The following TACR1 variants were observed in gnomAD, a reference collection of about 807,000 sequenced individuals.
TACR1 encodes tachykinin receptor 1, also known as substance-P receptor.
A neutral mutation model predicts 35.8 loss-of-function variants in TACR1; 25 were observed. The ratio of observed to expected loss-of-function variants is 0.70; its 90% CI spans 0.51 to 0.98. TACR1 has a LOEUF of 0.98. TACR1 is among the 50% of genes least tolerant of loss of function. TACR1 has a pLI of 0.00. For synonymous variants in TACR1, 195 were observed against 206.7 expected (o/e 0.94, Z 0.48); for missense variants, 478 against 522.9 (o/e 0.91, Z 0.84).
chr2:75,118,157 G>T (rs1673900065), intron 2 of TACR1, among the ~76,000 whole-genome samples: 1 of 152,192 alleles, frequency 6.6e-6, no homozygotes. Context: ...TCTTCTAAAA[G>T]AAGAGAATAT....
intron 1 of TACR1, among the ~76,000 whole-genome samples, chr2:75,158,174 T>C (rs1255019565): frequency 1.3e-5 from 2 of 152,232 alleles, no homozygotes; most frequent in Admixed American, 6.5e-5. Flanking sequence ...TGGATCTGAT[T>C]CACTTCGGGT....
intron 2 of TACR1, among the ~76,000 whole-genome samples, chr2:75,093,281 A>G (rs764216225): frequency 1.3e-5 from 2 of 152,224 alleles, no homozygotes; most frequent in Admixed American, 6.5e-5. Flanking sequence ...TAAATTTTCC[A>G]TCTTTGCATA....
chr2:75,185,853 G>A (rs1291063239), intron 1 of TACR1, among the ~76,000 whole-genome samples: 1 of 152,086 alleles, frequency 6.6e-6, no homozygotes, highest in Non-Finnish European at 1.5e-5. Context: ...ATCCATGTGC[G>A]CTAGTTTTGC....
chr2:75,135,548 C>T (rs1674264792), intron 1 of TACR1, among the ~76,000 whole-genome samples: 1 of 152,176 alleles, frequency 6.6e-6, no homozygotes, highest in African/African-American at 2.4e-5. Flanking sequence ...GGATCCAGGG[C>T]CAGGCGCCCA....
intron 2 of TACR1, among the ~76,000 whole-genome samples, chr2:75,073,553 CAA>C (rs899081805): frequency 6.6e-5 from 10 of 152,248 alleles, no homozygotes; most frequent in South Asian, 2.1e-4. Flanking sequence ...GGAAAGAAAA[CAA>C]GAGGGAATAA....
chr2:75,149,700 C>G (rs1013621736), intron 1 of TACR1, among the ~76,000 whole-genome samples: 9 of 152,160 alleles, frequency 5.9e-5, no homozygotes, highest in Non-Finnish European at 1.0e-4. Context: ...GACAATTTGA[C>G]TTCCTCTTTT....
intron 1 of TACR1, among the ~76,000 whole-genome samples, chr2:75,178,582 A>T (rs1572983162): frequency 6.6e-6 from 1 of 151,870 alleles, no homozygotes; most frequent in East Asian, 1.9e-4. Context: ...TACCTAATAC[A>T]CTTTCTCTTT....
chr2:75,176,434 A>G (rs1675421704), intron 1 of TACR1, among the ~76,000 whole-genome samples: 1 of 151,076 alleles, frequency 6.6e-6, no homozygotes, highest in African/African-American at 2.4e-5. Flanking sequence ...ATTGTGTTTT[A>G]CTCCCTTCAA....
intron 3 of TACR1, among the ~76,000 whole-genome samples, chr2:75,052,610 T>C (rs1672490758): frequency 6.6e-6 from 1 of 152,144 alleles, no homozygotes; most frequent in East Asian, 1.9e-4. Flanking sequence ...AAAAATCTTG[T>C]CAATTTTAAG....
intron 2 of TACR1, among the ~76,000 whole-genome samples, chr2:75,088,330 C>T (rs947252645): frequency 4.1e-5 from 6 of 146,766 alleles, no homozygotes; most frequent in African/African-American, 1.6e-4. Context: ...TCCCTCTCCA[C>T]GCAGCTAACT....
chr2:75,136,128 C>T lies in TACR1; in HGVS notation c.390-15360G>A, dbSNP rs180932213. 9.1e-4 allele frequency among the ~76,000 whole-genome samples: 138 copies of T among 152,240 alleles called. 2 individuals are homozygous for T. The East Asian group carries it at 0.019, about 21-fold the overall frequency. ...GGGCAGGGGTTGGCGGAACTTGGGC[C>T]TTGTAGAAAGAAACCCAGGCACATC... On this transcript the variant is annotated intron_variant, in intron 1 of 4. Coordinates refer to ENST00000305249, the MANE Select transcript of TACR1 (RefSeq NM_001058.4).
At chr2:75,081,230 A>C (rs1673080204) in intron 2 of TACR1, among the ~76,000 whole-genome samples, 1 of 152,240 alleles carries the variant, frequency 6.6e-6, no homozygotes, top group Admixed American at 6.5e-5. Context: ...ATAATTAACA[A>C]AAAATTGTAT....
intron 2 of TACR1, among the ~76,000 whole-genome samples, chr2:75,105,736 A>G (rs191869603): frequency 9.3e-4 from 141 of 152,188 alleles, no homozygotes; most frequent in Admixed American, 2.0e-3. Flanking sequence ...TGAGGTGACA[A>G]GAATGGAACT....
chr2:75,152,926 C>T (rs539558555), intron 1 of TACR1, among the ~76,000 whole-genome samples: 1 of 152,162 alleles, frequency 6.6e-6, no homozygotes, highest in Non-Finnish European at 1.5e-5. Flanking sequence ...TTTTGTGAGA[C>T]GGAGTCTCAT....
rs577670806 is a variant in TACR1, at chr2:75,128,447, G to GA, written c.390-7680dup. 3.0e-3 allele frequency among the ~76,000 whole-genome samples: 456 copies of GA among 152,284 alleles called. 3 individuals are homozygous for GA. The highest frequency in any genetic ancestry group is 0.011 in the African/African-American group (442 of 41,564). On this transcript the variant is annotated intron_variant, in intron 1 of 4. Coordinates refer to ENST00000305249, the MANE Select transcript of TACR1 (RefSeq NM_001058.4). ...ACTAAGGTCTGATGTGAACGAAGGG[G>GA]AAAAAACAGTGAAGGTCCAAGTTGT...
chr2:75,178,855 C>T (rs1675492410), intron 1 of TACR1, among the ~76,000 whole-genome samples: 1 of 152,200 alleles, frequency 6.6e-6, no homozygotes, highest in Admixed American at 6.5e-5. Flanking sequence ...TCATATTTGC[C>T]AGTTCCATCT....
chr2:75,095,252 G>T (rs57086003), intron 2 of TACR1, among the ~76,000 whole-genome samples: 200 of 152,266 alleles, frequency 1.3e-3, no homozygotes, highest in African/African-American at 4.5e-3. Context: ...CTCCCTGAGG[G>T]TGCACACTTG....
chr2:75,103,800 T>C (rs1355367868), intron 2 of TACR1, among the ~76,000 whole-genome samples: 1 of 151,892 alleles, frequency 6.6e-6, no homozygotes, highest in Non-Finnish European at 1.5e-5. Context: ...GATGGTGGAG[T>C]AGGGGATACA....
At chr2:75,114,052 C>T (rs190993383) in intron 2 of TACR1, among the ~76,000 whole-genome samples, 4 of 152,140 alleles carry the variant, frequency 2.6e-5, no homozygotes, top group East Asian at 1.9e-4. Context: ...TAAATAATGA[C>T]GATGGCATAT....
Sources: allele counts gnomAD v4.1 joint callset (sites outside exome capture counted in the v4.1 genomes callset), GRCh38; gene constraint gnomAD v4.1.1; transcripts MANE v1.5; gene names NCBI Gene and HGNC (gene_info 2026-07-23, HGNC 2026-07-21).